XKR6: variants seen among roughly 807,000 people sequenced by gnomAD.
XKR6 encodes XK related 6.
XKR6 carries 22 observed loss-of-function variants against 56.7 expected under a neutral mutation model. The ratio of observed to expected loss-of-function variants is 0.39; its 90% confidence interval spans 0.28 to 0.55. The LOEUF (loss-of-function observed/expected upper bound fraction) is 0.55, where lower values mean the gene tolerates loss of function less well. Ranked by LOEUF, XKR6 falls within the 20% of genes least tolerant of loss-of-function variation. The pLI is 0.66. For missense variants in XKR6, 852 were observed against 889.0 expected, an observed-to-expected ratio of 0.96 and a Z score of 0.53; for synonymous variants, 524 against 387.8, an observed-to-expected ratio of 1.35 and a Z score of -4.13.
intron 2 of XKR6, among the ~76,000 whole-genome samples, chr8:10,912,951 G>T (rs1800451125): frequency 6.6e-6 from 1 of 150,392 alleles, no homozygotes; most frequent in African/African-American, 2.4e-5. Context: ...TCTATAGAGG[G>T]CGAGTACATC....
intron 1 of XKR6, among the ~76,000 whole-genome samples, chr8:11,007,629 C>A (rs7834935): frequency 0.1 from 15,271 of 152,078 alleles, 2,266 homozygotes; most frequent in African/African-American, 0.33. Flanking sequence ...GCTCTTCCCT[C>A]TCAAAACAAA....
At chr8:11,114,777 G>C (rs892445343) in intron 1 of XKR6, among the ~76,000 whole-genome samples, 1 of 144,640 alleles carries the variant, frequency 6.9e-6, no homozygotes, top group Non-Finnish European at 1.5e-5. Context: ...GTGTGTGTAT[G>C]TGCCAGGGCA....
intron 1 of XKR6, among the ~76,000 whole-genome samples, chr8:11,125,088 C>CAAA (rs534903006): frequency 6.4e-5 from 5 of 77,610 alleles, no homozygotes; most frequent in African/African-American, 2.5e-4. Flanking sequence ...GACTCTGTCT[C>CAAA]AAAAAAAAAA....
intron 1 of XKR6, among the ~76,000 whole-genome samples, chr8:11,130,537 GTC>G (rs752513555): frequency 1.3e-5 from 2 of 151,746 alleles, no homozygotes; most frequent in Non-Finnish European, 2.9e-5. Context: ...AAGTGCCGTA[GTC>G]TCTGTAGACT....
intron 1 of XKR6, among the ~76,000 whole-genome samples, chr8:11,196,902 G>C (rs1364959684): frequency 1.3e-5 from 2 of 152,194 alleles, no homozygotes; most frequent in Non-Finnish European, 2.9e-5. Context: ...TAGAGGAGCA[G>C]ACAGGAGGGC....
At chr8:10,951,700 C>T (rs1194314454) in intron 1 of XKR6, among the ~76,000 whole-genome samples, 1 of 152,154 alleles carries the variant, frequency 6.6e-6, no homozygotes, top group Non-Finnish European at 1.5e-5. Context: ...GGAGGCGCTG[C>T]CTCTTCTGAG....
intron 1 of XKR6, among the ~76,000 whole-genome samples, chr8:11,146,040 T>C (rs1224058294): frequency 2.0e-5 from 3 of 152,040 alleles, no homozygotes; most frequent in South Asian, 4.1e-4. Flanking sequence ...TACATATTTA[T>C]GGTCAATTGA....
At chr8:11,108,263 T>G (rs1344915862) in intron 1 of XKR6, 2 of 455,836 alleles carry the variant, frequency 4.4e-6, no homozygotes, top group African/African-American at 4.0e-5. Flanking sequence ...AGGAAGGAAT[T>G]ATCTGTGAAT....
intron 1 of XKR6, among the ~76,000 whole-genome samples, chr8:11,083,787 A>C (rs1797802051): frequency 1.3e-5 from 2 of 152,340 alleles, no homozygotes; most frequent in African/African-American, 4.8e-5. Flanking sequence ...GCACACCACC[A>C]TATCAGGAAG....
chr8:10,995,917 T>C (rs370657350), intron 1 of XKR6, among the ~76,000 whole-genome samples: 20 of 152,294 alleles, frequency 1.3e-4, no homozygotes, highest in African/African-American at 4.8e-4. Flanking sequence ...ATCAGACGAA[T>C]GGCTTGCAAC....
intron 1 of XKR6, among the ~76,000 whole-genome samples, chr8:10,969,788 T>C (rs1209269456): frequency 6.6e-6 from 1 of 152,212 alleles, no homozygotes; most frequent in Non-Finnish European, 1.5e-5. Flanking sequence ...CCACAGTATA[T>C]GGAAGAAGCT....
At chr8:11,002,406 T>A (rs2129143401) in intron 1 of XKR6, 1 of 396,006 alleles carries the variant, frequency 2.5e-6, no homozygotes, top group South Asian at 2.0e-5. Context: ...TCTGTTGGCC[T>A]GGGGGAGGCC....
chr8:11,189,825 G>C (rs1803456725), intron 1 of XKR6, among the ~76,000 whole-genome samples: 1 of 152,072 alleles, frequency 6.6e-6, no homozygotes, highest in South Asian at 2.1e-4. Context: ...CAAATATCTG[G>C]CTCCTCAAGT....
chr8:11,199,635 A>G (rs1230146842), intron 1 of XKR6, among the ~76,000 whole-genome samples: 1 of 152,234 alleles, frequency 6.6e-6, no homozygotes, highest in Admixed American at 6.5e-5. Context: ...AGATGTACCC[A>G]GGTGTGAATG....
intron 1 of XKR6, among the ~76,000 whole-genome samples, chr8:11,113,658 T>C (rs1052855567): frequency 6.6e-6 from 1 of 152,166 alleles, no homozygotes; most frequent in Non-Finnish European, 1.5e-5. Context: ...CAAAACCCTA[T>C]TGTTTAAAAA....
chr8:11,088,066 A>G (rs1052813428), intron 1 of XKR6, among the ~76,000 whole-genome samples: 1 of 152,250 alleles, frequency 6.6e-6, no homozygotes, highest in Non-Finnish European at 1.5e-5. Flanking sequence ...TGCAAACAAG[A>G]TAAGTAGCTT....
intron 1 of XKR6, among the ~76,000 whole-genome samples, chr8:11,170,361 AG>A (rs1381609800): frequency 6.6e-6 from 1 of 152,270 alleles, no homozygotes; most frequent in Non-Finnish European, 1.5e-5. Context: ...ATGGAATATT[AG>A]TCAGTCATAA....
At chr8:10,982,516 C>A (rs920683169) in intron 1 of XKR6, among the ~76,000 whole-genome samples, 2 of 152,174 alleles carry the variant, frequency 1.3e-5, no homozygotes, top group African/African-American at 2.4e-5. Flanking sequence ...GTATGTTTAA[C>A]CCACCTCCCA....
intron 1 of XKR6, among the ~76,000 whole-genome samples, chr8:11,022,140 A>G (rs1311446366): frequency 6.7e-6 from 1 of 149,238 alleles, no homozygotes; most frequent in African/African-American, 2.5e-5. Flanking sequence ...AGTGCATCCT[A>G]GATAGAAAGG....
Sources: allele counts gnomAD v4.1 joint callset (sites outside exome capture counted in the v4.1 genomes callset), GRCh38; gene constraint gnomAD v4.1.1; transcripts MANE v1.5; gene names NCBI Gene and HGNC (gene_info 2026-07-23, HGNC 2026-07-21).